The following SCAPER variants were observed in gnomAD, a reference collection of about 807,000 sequenced individuals.
The protein encoded by SCAPER is S-phase cyclin A associated protein in the ER, also known as S phase cyclin A-associated protein in the endoplasmic reticulum.
SCAPER carries 98 observed loss-of-function variants against 182.2 expected under a neutral mutation model. The ratio of observed to expected loss-of-function variants is 0.54; its 90% CI spans 0.46 to 0.64. The LOEUF is 0.64. SCAPER is among the 30% of genes least tolerant of loss of function. SCAPER has a pLI of 0.00. For synonymous variants in SCAPER, 605 were observed against 564.6 expected (o/e 1.07, Z -1.01); for missense variants, 1,432 against 1,690.0 (o/e 0.85, Z 2.68).
At chr15:76,544,513 T>A (rs1182479363) in intron 23 of SCAPER, among the ~76,000 whole-genome samples, 2 of 152,174 alleles carry the variant, frequency 1.3e-5, no homozygotes, top group Non-Finnish European at 2.9e-5. Flanking sequence ...ATACAAGCTA[T>A]AATGTAGATG....
intron 29 of SCAPER, among the ~76,000 whole-genome samples, chr15:76,367,756 T>C (rs1380419426): frequency 6.6e-6 from 1 of 152,160 alleles, no homozygotes; most frequent in Non-Finnish European, 1.5e-5. Flanking sequence ...TATCTTTTAT[T>C]TGGATTCTGT....
intron 23 of SCAPER, among the ~76,000 whole-genome samples, chr15:76,565,178 G>C (rs1304362188): frequency 1.3e-5 from 2 of 152,072 alleles, no homozygotes; most frequent in African/African-American, 4.8e-5. Context: ...TCATTAAACT[G>C]AAGAGCTATT....
intron 5 of SCAPER, among the ~76,000 whole-genome samples, chr15:76,813,610 A>T (rs1459565323): frequency 6.6e-6 from 1 of 152,236 alleles, no homozygotes; most frequent in Non-Finnish European, 1.5e-5. Flanking sequence ...CTAAATGAAA[A>T]GTAGCAGGAT....
intron 21 of SCAPER, among the ~76,000 whole-genome samples, chr15:76,653,493 T>C (rs1031632980): frequency 4.6e-5 from 7 of 152,066 alleles, no homozygotes; most frequent in Non-Finnish European, 8.8e-5. Flanking sequence ...ACAAAATAAC[T>C]TGGTATTGGT....
chr15:76,370,310 T>TGTTTTTG (rs1555414223), intron 29 of SCAPER, among the ~76,000 whole-genome samples: 4 of 137,274 alleles, frequency 2.9e-5, no homozygotes, highest in South Asian at 2.3e-4. Flanking sequence ...TTTTTTTTTT[T>TGTTTTTG]TTTTTTGTTT....
intron 15 of SCAPER, among the ~76,000 whole-genome samples, chr15:76,740,719 T>C (rs1206177395): frequency 1.3e-5 from 2 of 152,074 alleles, no homozygotes; most frequent in African/African-American, 2.4e-5. Flanking sequence ...TTTTTCTTAA[T>C]AAAATCCAGC....
intron 5 of SCAPER, among the ~76,000 whole-genome samples, chr15:76,829,531 C>T (rs1226489389): frequency 6.6e-6 from 1 of 152,146 alleles, no homozygotes; most frequent in Non-Finnish European, 1.5e-5. Flanking sequence ...TTTCCTTCCC[C>T]ATCAGCTTAG....
At chr15:76,585,009 T>C (rs1462693062) in intron 22 of SCAPER, among the ~76,000 whole-genome samples, 1 of 152,218 alleles carries the variant, frequency 6.6e-6, no homozygotes, top group Non-Finnish European at 1.5e-5. Context: ...CTCAGCTATT[T>C]ACATGAAGCT....
intron 2 of SCAPER, among the ~76,000 whole-genome samples, chr15:76,880,196 C>T (rs2073443534): frequency 6.6e-6 from 1 of 152,164 alleles, no homozygotes; most frequent in African/African-American, 2.4e-5. Context: ...TTCTTGATAA[C>T]TTCAGGTTAC....
At chr15:76,611,355 C>G (rs907365024) in intron 22 of SCAPER, among the ~76,000 whole-genome samples, 3 of 151,994 alleles carry the variant, frequency 2.0e-5, no homozygotes, top group African/African-American at 7.2e-5. Context: ...TTCCTGGACA[C>G]ATACACCTTT....
rs528305177 is a variant in SCAPER at position 76,598,009 on chromosome 15, C to A, written c.2712-23725G>T. ...CAGAAGAAACTATCAACAGAGTGAA[C>A]AGGGAACCTACAGAATGGGAGAAAA... On this transcript the variant is annotated intron_variant, in intron 22 of 31. Coordinates refer to ENST00000563290, the MANE Select transcript of SCAPER (RefSeq NM_020843.4). 5.8e-5 allele frequency among the ~76,000 whole-genome samples: 7 copies of A among 119,754 alleles called. 3 individuals carry two copies. The highest frequency in any genetic ancestry group is 8.1e-5 in the Non-Finnish European group (4 of 49,430). 78.6% of individuals were successfully genotyped at this position (119,754 alleles called of 152,430 possible). A position where few individuals can be genotyped will look rare whatever the true frequency, so the allele number is the denominator to read the frequency against.
chr15:76,669,095 C>G (rs2056827972), intron 20 of SCAPER, among the ~76,000 whole-genome samples: 1 of 152,116 alleles, frequency 6.6e-6, no homozygotes, highest in Admixed American at 6.6e-5. Flanking sequence ...TAAACCCAGA[C>G]AGTGTGATTA....
intron 25 of SCAPER, among the ~76,000 whole-genome samples, chr15:76,455,306 T>C (rs180921301): frequency 1.3e-5 from 2 of 152,346 alleles, no homozygotes; most frequent in Admixed American, 1.3e-4. Flanking sequence ...TTTTAGGTTT[T>C]AAAAACTTGT....
intron 1 of SCAPER, among the ~76,000 whole-genome samples, chr15:76,895,703 G>C (rs1391403005): frequency 2.6e-5 from 4 of 152,160 alleles, no homozygotes; most frequent in South Asian, 2.1e-4. Flanking sequence ...AAAATCAGTA[G>C]CTTTTCTATA....
At chr15:76,486,779 G>A (rs1345348009) in intron 24 of SCAPER, among the ~76,000 whole-genome samples, 1 of 152,186 alleles carries the variant, frequency 6.6e-6, no homozygotes, top group Non-Finnish European at 1.5e-5. Flanking sequence ...GAAAGATAGT[G>A]TGGCGATTCC....
chr15:76,446,903 C>A lies in SCAPER; in HGVS notation c.3079-12593G>T, dbSNP rs559074277. On this transcript the variant is annotated intron_variant, in intron 25 of 31. Transcript: ENST00000563290. The stretch of plus-strand genomic sequence containing the variant: ...TACTTCGAGTACCTATACATCCATT[C>A]CCTGTTTCACTTTCAGTACATGATT... 3.3e-5 allele frequency among the ~76,000 whole-genome samples: 5 copies of A among 152,294 alleles called. No homozygotes were observed. In the South Asian group the frequency reaches 1.0e-3, roughly 32 times the overall value.
At chr15:76,607,756 T>C (rs887998959) in intron 22 of SCAPER, among the ~76,000 whole-genome samples, 2 of 137,824 alleles carry the variant, frequency 1.5e-5, no homozygotes, top group East Asian at 2.9e-4. Context: ...TCTCGCTTCA[T>C]TTCATTCATT....
chr15:76,771,979 A>C, intron 9 of SCAPER, 25 bp from the exon 10 acceptor site: 1 of 1,535,402 alleles, frequency 6.5e-7, no homozygotes, highest in Non-Finnish European at 8.9e-7. Flanking sequence ...AGAATGAATC[A>C]GAGATAATTA....
rs757083658 is a variant in SCAPER at position 76,800,296 on chromosome 15, G to A, written c.563C>T (p.Thr188Ile). 1.4e-5 allele frequency: 23 copies of A among 1,613,118 alleles called. No individual in the cohort carries two copies. The East Asian group carries it at 4.5e-4, about 31-fold the overall frequency. The change falls in exon 7 of 32, where the codon ACA becomes ATA. Residue 188 changes from threonine to isoleucine, a missense_variant. Physicochemically the swap from Thr to Ile is moderately conservative, Grantham distance 89 (BLOSUM62 -1). Transcript: ENST00000563290. ...ATTTGATGTTACATTTATTCTATCT[G>A]TTGATGGACTTGGAATCACATGGCG... Reference protein sequence around the residue: ...PGRHVIPSPSTDRINVTSNAR... With the variant: ...PGRHVIPSPSIDRINVTSNAR...
Sources: allele counts gnomAD v4.1 joint callset (sites outside exome capture counted in the v4.1 genomes callset), GRCh38; gene constraint gnomAD v4.1.1; transcripts MANE v1.5; gene names NCBI Gene and HGNC (gene_info 2026-07-23, HGNC 2026-07-21).